ZBTB40: variants seen among roughly 807,000 people sequenced by gnomAD.
The protein encoded by ZBTB40 is zinc finger and BTB domain containing 40.
Under a neutral mutation model 117.5 loss-of-function variants are expected in ZBTB40, and 60 were observed. The observed-to-expected ratio is 0.51, with a 90% CI of 0.41 to 0.63. The LOEUF (loss-of-function observed/expected upper bound fraction) is 0.63, where lower values mean the gene tolerates loss of function less well. ZBTB40 is among the 30% of genes least tolerant of loss of function. The pLI, the probability that ZBTB40 is intolerant of heterozygous loss-of-function variation, is 0.00. For missense variants in ZBTB40, 1,287 were observed against 1,498.5 expected, an observed-to-expected ratio of 0.86 and a Z score of 2.33; for synonymous variants, 525 against 577.1, an observed-to-expected ratio of 0.91 and a Z score of 1.29.
At chr1:22,486,322 T>C (rs1292555960) in intron 1 of ZBTB40, among the ~76,000 whole-genome samples, 2 of 152,186 alleles carry the variant, frequency 1.3e-5, no homozygotes, top group African/African-American at 4.8e-5. Flanking sequence ...CCTTAGATGG[T>C]ACAGGATGGC....
At chr1:22,503,607 G>GCACA (rs1179426493) in intron 5 of ZBTB40, among the ~76,000 whole-genome samples, 1 of 133,014 alleles carries the variant, frequency 7.5e-6, no homozygotes, top group African/African-American at 2.7e-5. Flanking sequence ...GCACATGTGC[G>GCACA]CACGCACACA....
At chr1:22,441,999 AT>A (rs1640738556) in intron 1 of ZBTB40, among the ~76,000 whole-genome samples, 1 of 151,882 alleles carries the variant, frequency 6.6e-6, no homozygotes, top group Non-Finnish European at 1.5e-5. Context: ...GTATTTTTTA[AT>A]TTCTCTTCTA....
intron 3 of ZBTB40, among the ~76,000 whole-genome samples, chr1:22,493,961 T>A (rs935501816): frequency 6.6e-6 from 1 of 152,146 alleles, no homozygotes; most frequent in Admixed American, 6.5e-5. Flanking sequence ...GGCAGCTTCA[T>A]CTTTATAAGC....
intron 1 of ZBTB40, among the ~76,000 whole-genome samples, chr1:22,470,408 G>C (rs547511856): frequency 6.6e-6 from 1 of 152,332 alleles, no homozygotes; most frequent in African/African-American, 2.4e-5. Flanking sequence ...TGGGGGAACA[G>C]AGAAAGGGAA....
chr1:22,491,850 C>T lies in ZBTB40; in HGVS notation c.831+317C>T, dbSNP rs545905690. Among the ~76,000 whole-genome samples the T allele has an allele frequency of 5.6e-4, 85 of 152,234 alleles. No homozygotes were observed. In the South Asian group the frequency reaches 0.017, roughly 31 times the overall value. ...TTAAGAAGGTAGCCATGTATAACCT[C>T]AAACCTGAGACTTAAACCATTAAAA... On this transcript the variant is annotated intron_variant, in intron 3 of 17. Transcript: ENST00000375647.
At position 22,508,433 on chromosome 1, in the gene ZBTB40, A is replaced by G. The variant is rs954659958; in HGVS notation, c.1498-97A>G. 4.2e-6 allele frequency: 6 copies of G among 1,441,242 alleles called. No homozygotes were observed. In the Admixed American group the frequency reaches 1.0e-4, roughly 24 times the overall value. 89.3% of individuals were successfully genotyped at this position (1,441,242 alleles called of 1,614,324 possible). Reference sequence around the variant, plus strand: ...GGATGTTGAAAAACTCCTTCCCCAAACATATTCACTGTAACCCAATATCTA... The same window carrying G: ...GGATGTTGAAAAACTCCTTCCCCAAGCATATTCACTGTAACCCAATATCTA... On this transcript the variant is annotated intron_variant, in intron 7 of 17. Transcript: ENST00000375647.
chr1:22,498,787 G>GA (rs11371974), intron 3 of ZBTB40, among the ~76,000 whole-genome samples: 105,530 of 146,206 alleles, frequency 0.72, 38,861 homozygotes, highest in East Asian at 0.89. Flanking sequence ...GTTTCAGGTG[G>GA]AAAAAAAAAA....
chr1:22,483,037 C>T (rs1449464387), intron 1 of ZBTB40, among the ~76,000 whole-genome samples: 3 of 151,536 alleles, frequency 2.0e-5, no homozygotes, highest in Non-Finnish European at 4.4e-5. Context: ...CGAGATCACG[C>T]CACTGCACTC....
chr1:22,490,633 A>G lies in ZBTB40; in HGVS notation c.685A>G (p.Ser229Gly). The change falls in exon 2 of 18, where the codon AGC becomes GGC. Residue 229 changes from serine (S) to glycine (G), a missense_variant. Physicochemically the swap from Ser to Gly is moderately conservative, Grantham distance 56. This residue lies in a region of ZBTB40 where 870 missense variants were observed against 934.4 expected (regional missense o/e 0.93). Coordinates refer to ENST00000375647, the MANE Select transcript of ZBTB40 (RefSeq NM_014870.4). ...VQTFSEAKKT[S>G]TEPGCERKHY... Reference sequence around the variant, plus strand: ...AACCTTTAGTGAGGCAAAGAAGACAAGCACAGAACCAGGTAACAGTCATTG... The same window carrying G: ...AACCTTTAGTGAGGCAAAGAAGACAGGCACAGAACCAGGTAACAGTCATTG... The G allele has an allele frequency of 6.2e-7, 1 of 1,613,542 alleles. No homozygotes were observed. The highest frequency in any genetic ancestry group is 8.5e-7 in the Non-Finnish European group (1 of 1,179,984).
chr1:22,522,237 A>G (rs563235738), intron 15 of ZBTB40, 140 bp from the exon 16 acceptor site: 63 of 803,492 alleles, frequency 7.8e-5, no homozygotes, highest in Admixed American at 2.6e-4. Flanking sequence ...CAAATATACC[A>G]TAGGTTATAA....
At position 22,438,937 on chromosome 1, in the gene ZBTB40, G is replaced by A. The variant is rs1037238074; in HGVS notation, c.-70+9923G>A. On this transcript the variant is annotated intron_variant, in intron 1 of 8. Coordinates refer to the ZBTB40 transcript ENST00000650433. ...AGCTGGAGTGCAGTGGCATGATCTC[G>A]GCTCACTGCAACCTCCGCCTCCCAG... 2.6e-5 allele frequency among the ~76,000 whole-genome samples: 4 copies of A among 152,012 alleles called. No homozygotes were observed. In the East Asian group the frequency reaches 5.8e-4, roughly 22 times the overall value.
chr1:22,497,915 C>G (rs1638822157), intron 3 of ZBTB40, among the ~76,000 whole-genome samples: 1 of 152,126 alleles, frequency 6.6e-6, no homozygotes, highest in Non-Finnish European at 1.5e-5. Flanking sequence ...ATTGTAGTCT[C>G]TATCATTATT....
At chr1:22,472,966 A>C (rs1175932347) in intron 1 of ZBTB40, among the ~76,000 whole-genome samples, 1 of 152,220 alleles carries the variant, frequency 6.6e-6, no homozygotes, top group East Asian at 1.9e-4. Context: ...TCCATGTCAT[A>C]TGGATTTATT....
chr1:22,435,349 C>G (rs967134147), intron 1 of ZBTB40, among the ~76,000 whole-genome samples: 2 of 152,158 alleles, frequency 1.3e-5, no homozygotes, highest in African/African-American at 4.8e-5. Flanking sequence ...TTTATCTTGC[C>G]TTGCTATTGT....
Position 22,511,954 on chromosome 1 carries a change from G to T in ZBTB40, c.2281G>T (p.Ala761Ser). The T allele has an allele frequency of 6.2e-7, 1 of 1,614,194 alleles. No individual in the cohort carries two copies. The highest frequency in any genetic ancestry group is 8.5e-7 in the Non-Finnish European group (1 of 1,180,038). The change falls in exon 11 of 18, where the codon GCT becomes TCT. Residue 761 changes from alanine (A) to serine (S), a missense_variant. Physicochemically the swap from Ala to Ser is moderately conservative, Grantham distance 99. Around this residue, in one of 2 missense-constraint regions of ZBTB40, gnomAD observed 870 missense variants for 934.4 expected, o/e 0.93. Transcript: ENST00000375647. ...LKVHMKRCRV[A>S]KSKQVQCKEC... ...GGTGCACATGAAGCGCTGCCGGGTG[G>T]CTAAGAGCAAACAGGTGCAGTGTAA...
rs1639403282 is a variant in ZBTB40 at position 22,517,458 on chromosome 1, T to C, written c.2827T>C (p.Phe943Leu). ...TGGCCTCTCCATCCATCTGCACACC[T>C]TTCACAGTATGTAGAGACTGTGGAT... ...ANGLSIHLHT[F>L]HNIEDPYDCK... The change falls in exon 13 of 18, where the codon TTT (phenylalanine) becomes CTT (leucine). Residue 943 changes from phenylalanine to leucine, a missense_variant. Phe to Leu is a conservative substitution (Grantham distance 22). Around this residue, in one of 2 missense-constraint regions of ZBTB40, gnomAD observed 417 missense variants for 564.1 expected, o/e 0.74. Transcript: ENST00000375647. 4.3e-6 allele frequency: 7 copies of C among 1,613,582 alleles called. No homozygotes were observed. Among genetic ancestry groups the C allele is most frequent in the Non-Finnish European group, 5.9e-6 (7 of 1,179,930 alleles).
chr1:22,457,115 C>T (rs1173213609), intron 1 of ZBTB40, among the ~76,000 whole-genome samples: 1 of 100,310 alleles, frequency 1.0e-5, no homozygotes, highest in African/African-American at 3.7e-5. Flanking sequence ...CAGTTGAGAC[C>T]CTGTCTCTAT....
At chr1:22,496,723 T>A (rs963694026) in intron 3 of ZBTB40, among the ~76,000 whole-genome samples, 3 of 152,190 alleles carry the variant, frequency 2.0e-5, no homozygotes, top group African/African-American at 7.2e-5. Flanking sequence ...TCAGCAATGC[T>A]TCCTCTCTGT....
chr1:22,520,275 G>A lies in ZBTB40; in HGVS notation c.3048G>A (p.Gln1016=). Residue 1016 remains glutamine (Q), a splice_region_variant and synonymous_variant, in exon 14 of 18, where the codon CAG becomes CAA. Transcript: ENST00000375647. ...FSCGICNKAY[Q]QLSGLWYHNR... Reference sequence around the variant, plus strand: ...GCGGGATCTGCAACAAGGCCTACCAGGTGACCTCAGGTGCCACTGGGAGCT... The same window carrying A: ...GCGGGATCTGCAACAAGGCCTACCAAGTGACCTCAGGTGCCACTGGGAGCT... 1 of 1,609,176 alleles carries A rather than the reference G, an allele frequency of 6.2e-7. No homozygotes were observed. Among genetic ancestry groups the A allele is most frequent in the South Asian group, 1.1e-5 (1 of 91,052 alleles).
Sources: allele counts gnomAD v4.1 joint callset (sites outside exome capture counted in the v4.1 genomes callset), GRCh38; gene constraint gnomAD v4.1.1; regional missense constraint gnomAD v4.1.1; transcripts MANE v1.5; gene names NCBI Gene and HGNC (gene_info 2026-07-23, HGNC 2026-07-21).